The following ZBTB14 variants were observed in gnomAD, a reference collection of about 807,000 sequenced individuals.
The protein encoded by ZBTB14 is zinc finger and BTB domain containing 14, also known as zinc finger and BTB domain-containing protein 14.
Under a neutral mutation model 29.5 loss-of-function variants are expected in ZBTB14, and 8 were observed. The ratio of observed to expected loss-of-function variants is 0.27; its 90% CI spans 0.16 to 0.49. The LOEUF is 0.49. Ranked by LOEUF, ZBTB14 falls within the 20% of genes least tolerant of loss-of-function variation. The pLI, the probability that ZBTB14 is intolerant of heterozygous loss-of-function variation, is 0.99. For missense variants in ZBTB14, 333 were observed against 563.8 expected (o/e 0.59, Z 4.15); for synonymous variants, 226 against 207.2 (o/e 1.09, Z -0.78).
At chr18:5,293,025 T>A (rs746645960) in intron 3 of ZBTB14, among the ~76,000 whole-genome samples, 2 of 152,208 alleles carry the variant, frequency 1.3e-5, no homozygotes, top group Non-Finnish European at 2.9e-5. Flanking sequence ...AGCAAAAATT[T>A]GGAACTGGCA....
chr18:5,291,055 C>A lies in ZBTB14; in HGVS notation c.1153G>T (p.Gly385Trp), dbSNP rs754227018. The A allele has an allele frequency of 6.2e-7, 1 of 1,614,258 alleles. No individual in the cohort carries two copies. Among genetic ancestry groups the A allele is most frequent in the African/African-American group, 1.3e-5 (1 of 75,066 alleles). ...HLKDHERRHR[G>W]EKPFVCGSCT... is the part of the protein sequence containing the mutation. Reference sequence around the variant, plus strand: ...GAGCCACACACAAAAGGCTTTTCCCCTCTGTGTCTTCTTTCATGATCCTTG... The same window carrying A: ...GAGCCACACACAAAAGGCTTTTCCCATCTGTGTCTTCTTTCATGATCCTTG... The change falls in exon 4 of 4, where the codon GGG (glycine) becomes TGG (tryptophan). Residue 385 changes from glycine (G) to tryptophan (W), a missense_variant. Gly to Trp is a radical substitution (Grantham distance 184). Around this residue, in one of 3 missense-constraint regions of ZBTB14, gnomAD observed 140 missense variants for 274.6 expected, o/e 0.51. Transcript: ENST00000651870. This position sits in a 1 kb window ranked among gnomAD's most constrained non-coding sequence, Gnocchi z 5.8.
intron 1 of ZBTB14, among the ~76,000 whole-genome samples, 180 bp from the exon 2 acceptor site, chr18:5,294,181 C>G (rs551553418): frequency 6.6e-6 from 1 of 152,272 alleles, no homozygotes; most frequent in South Asian, 2.1e-4. Flanking sequence ...GTGAACACAC[C>G]GAGCTACCCA....
At chr18:5,296,335 T>A (rs1436440644), upstream of ZBTB14, 1 of 149,970 alleles carries the variant, frequency 6.7e-6, no homozygotes, top group Non-Finnish European at 1.5e-5. Flanking sequence ...GCACGAGCGC[T>A]GCTCGCGGAC....
chr18:5,290,046 AC>A lies in ZBTB14; in HGVS notation c.*811del, dbSNP rs1312779505. ...CTTGGGATTGTTACACATGTAAAAA[AC>A]CTTATCTCTGAGAGCCTTTTCTATT... On this transcript the variant is annotated 3_prime_UTR_variant, in exon 4 of 4. Transcript: ENST00000651870. 2.6e-5 allele frequency: 4 copies of A among 152,132 alleles called. No individual in the cohort carries two copies. Among genetic ancestry groups the A allele is most frequent in the African/African-American group, 9.7e-5 (4 of 41,434 alleles). The allele number at this position is 152,132 out of a possible 1,614,324, so 9.4% of individuals were successfully genotyped here. A position where few individuals can be genotyped will look rare whatever the true frequency, so the allele number is the denominator to read the frequency against.
At position 5,293,341 on chromosome 18, in the gene ZBTB14, G is replaced by C; in HGVS notation, c.-81-14C>G. The C allele has an allele frequency of 6.9e-6, 9 of 1,299,314 alleles. No individual in the cohort carries two copies. The highest frequency in any genetic ancestry group is 9.6e-6 in the Non-Finnish European group (9 of 933,670). 80.5% of individuals were successfully genotyped at this position (1,299,314 alleles called of 1,614,324 possible). Reference sequence around the variant, plus strand: ...AGCACGCCAGACCTACAGAGGAAAGGATAAACAAGAATGAGGTAGGATCTT... The same window carrying C: ...AGCACGCCAGACCTACAGAGGAAAGCATAAACAAGAATGAGGTAGGATCTT... On this transcript the variant is annotated splice_polypyrimidine_tract_variant and intron_variant, in intron 2 of 3. Transcript: ENST00000651870.
Position 5,290,647 on chromosome 18 carries a change from A to T in ZBTB14, c.*211T>A. On this transcript the variant is annotated 3_prime_UTR_variant, in exon 4 of 4. Coordinates refer to ENST00000651870, the MANE Select transcript of ZBTB14 (RefSeq NM_001243702.2). ...TTACTGGGCAACATTAATACTAGAC[A>T]CCAGACAAGACAGTGAAACGGTTTG... 2 of 641,440 alleles carry T rather than the reference A, an allele frequency of 3.1e-6. No homozygotes were observed. Among genetic ancestry groups the T allele is most frequent in the Non-Finnish European group, 5.0e-6 (2 of 397,166 alleles). The allele number at this position is 641,440 out of a possible 1,614,324, so 39.7% of individuals were successfully genotyped here. A position where few individuals can be genotyped will look rare whatever the true frequency, so the allele number is the denominator to read the frequency against.
rs988116394 is a variant in ZBTB14, at chr18:5,290,374, G to A, written c.*484C>T. The stretch of plus-strand genomic sequence containing the variant: ...CCAGAACTTTTTTTATATTTGTGCA[G>A]TGTTCTTGGTCAACCACTCACCAAT... On this transcript the variant is annotated 3_prime_UTR_variant, in exon 4 of 4. Transcript: ENST00000651870. The A allele has an allele frequency of 1.3e-5, 2 of 153,048 alleles. No individual in the cohort carries two copies. The highest frequency in any genetic ancestry group is 4.8e-5 in the African/African-American group (2 of 41,450). 9.5% of individuals were successfully genotyped at this position (153,048 alleles called of 1,614,324 possible).
chr18:5,289,635 C>A lies in ZBTB14; in HGVS notation c.*1223G>T, dbSNP rs561222459. 6.6e-6 allele frequency: 1 copy of A among 152,346 alleles called. No individual in the cohort carries two copies. The highest frequency in any genetic ancestry group is 2.4e-5 in the African/African-American group (1 of 41,564). The allele number at this position is 152,346 out of a possible 1,614,324, so 9.4% of individuals were successfully genotyped here. A position where few individuals can be genotyped will look rare whatever the true frequency, so the allele number is the denominator to read the frequency against. ...AAAGGCAATCAACTTCTATTTAAAA[C>A]TGTAACCAGTGATGAAATATATTTC... is the stretch of plus-strand genomic sequence containing the variant. On this transcript the variant is annotated 3_prime_UTR_variant, in exon 4 of 4. Coordinates refer to ENST00000651870, the MANE Select transcript of ZBTB14 (RefSeq NM_001243702.2).
chr18:5,292,147 G>T lies in ZBTB14; in HGVS notation c.61C>A (p.Leu21Met). The T allele has an allele frequency of 6.3e-7, 1 of 1,594,160 alleles. No homozygotes were observed. Among genetic ancestry groups the T allele is most frequent in the Non-Finnish European group, 8.5e-7 (1 of 1,178,288 alleles). Residue 21 changes from leucine (L) to methionine (M), a missense_variant, in exon 4 of 4, where the codon CTG becomes ATG. Transcript: ENST00000651870. ...IKYNDDDHKT[L>M]FLKTLNEQRL... ...TGTTCATTTAGTGTTTTCAGAAACA[G>T]AGTTTTATGATCATCGTCATTATAT...
upstream of ZBTB14, chr18:5,296,250 GGGGCGCGCGGAGCCCGCGCGCGGGAGA>G (rs2071963117): frequency 6.7e-6 from 1 of 150,322 alleles, no homozygotes; most frequent in Non-Finnish European, 1.5e-5. Flanking sequence ...CGCGCGGCTT[GGGGCGCGCGGAGCCCGCGCGCGGGAGA>G]AGGAGTGGGC....
At chr18:5,292,760 A>G (rs1365754168) in intron 3 of ZBTB14, among the ~76,000 whole-genome samples, 2 of 152,262 alleles carry the variant, frequency 1.3e-5, no homozygotes, top group Non-Finnish European at 2.9e-5. Flanking sequence ...CCTTGACAGA[A>G]GGAACAAATT....
upstream of ZBTB14, chr18:5,296,876 C>G (rs1424969920): frequency 1.3e-5 from 1 of 76,900 alleles, no homozygotes; most frequent in African/African-American, 4.3e-5. Context: ...TGGCTCTGTC[C>G]TTAACATCCC....
upstream of ZBTB14, among the ~76,000 whole-genome samples, chr18:5,296,508 G>T (rs1458431208): frequency 6.6e-6 from 1 of 151,420 alleles, no homozygotes; most frequent in Non-Finnish European, 1.5e-5. Context: ...CTGAGGCTGC[G>T]GGGCTCTGCC....
Position 5,293,251 on chromosome 18 carries a change from A to C in ZBTB14, c.-5T>G, listed in dbSNP as rs759360378. 6.2e-7 allele frequency: 1 copy of C among 1,613,394 alleles called. No homozygotes were observed. Among genetic ancestry groups the C allele is most frequent in the South Asian group, 1.1e-5 (1 of 90,994 alleles). ...ATCCAAAGTTATAGTTACCATGAACAACTCAGGCTATTATCTTAATGCCTT... is the reference window on the plus strand; with the variant it reads ...ATCCAAAGTTATAGTTACCATGAACCACTCAGGCTATTATCTTAATGCCTT... On this transcript the variant is annotated 5_prime_UTR_variant, in exon 3 of 4. Coordinates refer to ENST00000651870, the MANE Select transcript of ZBTB14 (RefSeq NM_001243702.2).
At position 5,291,896 on chromosome 18, in the gene ZBTB14, ATCT is replaced by A. The variant is rs1316035019; in HGVS notation, c.309_311del (p.Glu103del). On this transcript the variant is annotated inframe_deletion, in exon 4 of 4. Coordinates refer to ENST00000651870, the MANE Select transcript of ZBTB14 (RefSeq NM_001243702.2). This position sits in a 1 kb window ranked among gnomAD's most constrained non-coding sequence, Gnocchi z 5.8. ...GACCCGATGACATCATTAAGTTAAC[ATCT>A]TCTTTTTTCACGGAAATCTTTGCTG... is the stretch of plus-strand genomic sequence containing the variant. 6.2e-6 allele frequency: 10 copies of A among 1,614,076 alleles called. No homozygotes were observed. The highest frequency in any genetic ancestry group is 1.7e-5 in the Admixed American group (1 of 60,006).
Position 5,290,742 on chromosome 18 carries a change from A to G in ZBTB14, c.*116T>C, listed in dbSNP as rs2143218196. ...GCTAACCAAGCACTGCCTTAAGTCC[A>G]GTGAGTACAATGTTCCATACGTTTC... On this transcript the variant is annotated 3_prime_UTR_variant, in exon 4 of 4. Transcript: ENST00000651870. 1.4e-6 allele frequency: 2 copies of G among 1,460,414 alleles called. No homozygotes were observed. The highest frequency in any genetic ancestry group is 2.8e-5 in the African/African-American group (2 of 70,804). 90.5% of individuals were successfully genotyped at this position (1,460,414 alleles called of 1,614,324 possible).
chr18:5,296,606 C>T (rs2071974222), upstream of ZBTB14, among the ~76,000 whole-genome samples: 2 of 152,056 alleles, frequency 1.3e-5, no homozygotes, highest in South Asian at 4.1e-4. Context: ...TGCGGTCTTG[C>T]CTCTTGCCGC....
rs992822668 is a variant in ZBTB14, at chr18:5,291,200, C to T, written c.1008G>A (p.Glu336=). 2 of 1,614,236 alleles carry T rather than the reference C, an allele frequency of 1.2e-6. No individual in the cohort carries two copies. The highest frequency in any genetic ancestry group is 1.3e-5 in the African/African-American group (1 of 75,056). The change falls in exon 4 of 4, where the codon GAG becomes GAA. Residue 336 remains glutamate (E), a synonymous_variant. Transcript: ENST00000651870. This position sits in a 1 kb window ranked among gnomAD's most constrained non-coding sequence, Gnocchi z 5.8. ...IHTGYKPYSC[E]VCGKSFIRAP... ...CACGGATAAATGATTTTCCACACAC[C>T]TCACAGCTATAGGGCTTATATCCTG...
In ZBTB14 at chr18:5,290,275, T is replaced by C. The variant is rs1390367865; in HGVS notation, c.*583A>G. 6.6e-6 allele frequency: 1 copy of C among 152,466 alleles called. No homozygotes were observed. The highest frequency in any genetic ancestry group is 1.5e-5 in the Non-Finnish European group (1 of 68,270). 9.4% of individuals were successfully genotyped at this position (152,466 alleles called of 1,614,324 possible). On this transcript the variant is annotated 3_prime_UTR_variant, in exon 4 of 4. Coordinates refer to ENST00000651870, the MANE Select transcript of ZBTB14 (RefSeq NM_001243702.2). ...ACACTTCAGCAAAGCAACCATTATTTGTCCACAAAAACAGTGAAAAACAGT... is the reference window on the plus strand; with the variant it reads ...ACACTTCAGCAAAGCAACCATTATTCGTCCACAAAAACAGTGAAAAACAGT...
Sources: gnomAD v4.1 joint callset for allele counts (sites outside exome capture counted in the v4.1 genomes callset) on GRCh38, gnomAD v4.1.1 for gene constraint, gnomAD v4.1.1 regional missense constraint, Gnocchi (gnomAD v3.1) non-coding constraint, MANE v1.5 for transcripts, NCBI Gene and HGNC (gene_info 2026-07-23, HGNC 2026-07-21) for gene names.